Variants in SGK1 observed in about 807,000 individuals in gnomAD.
The protein encoded by SGK1 is serine/threonine-protein kinase Sgk1.
A neutral mutation model predicts 64.2 loss-of-function variants in SGK1; 26 were observed. That is an observed-to-expected ratio of 0.40 (90% confidence interval 0.30 to 0.56). SGK1 has a LOEUF of 0.56. SGK1 is among the 20% of genes least tolerant of loss of function. The pLI is 0.38. For synonymous variants in SGK1, 265 were observed against 239.7 expected (o/e 1.11, Z -0.98); for missense variants, 519 against 645.6 (o/e 0.80, Z 2.12).
chr6:134,242,885 C>G (rs1177735650), intron 2 of SGK1, among the ~76,000 whole-genome samples: 1 of 152,116 alleles, frequency 6.6e-6, no homozygotes, highest in Non-Finnish European at 1.5e-5. Flanking sequence ...CAAAACACAT[C>G]TTAGAATGAT....
At chr6:134,301,405 A>C (rs560188191) in intron 1 of SGK1, among the ~76,000 whole-genome samples, 1 of 152,226 alleles carries the variant, frequency 6.6e-6, no homozygotes, top group Non-Finnish European at 1.5e-5. Flanking sequence ...CCTGAAAGGA[A>C]ACTAAGAAAT....
intron 2 of SGK1, among the ~76,000 whole-genome samples, chr6:134,243,497 G>A (rs1319521051): frequency 6.6e-6 from 1 of 152,044 alleles, no homozygotes; most frequent in African/African-American, 2.4e-5. Context: ...AGCCTCCTAA[G>A]TAGCTGGGAT....
chr6:134,187,472 G>A (rs967388889), intron 3 of SGK1, among the ~76,000 whole-genome samples: 2 of 152,152 alleles, frequency 1.3e-5, no homozygotes, highest in Admixed American at 6.5e-5. Context: ...CTGGCTATGG[G>A]AGAAGCAGCA....
intron 1 of SGK1, among the ~76,000 whole-genome samples, chr6:134,304,617 A>C (rs965780588): frequency 2.6e-5 from 4 of 152,076 alleles, no homozygotes; most frequent in Non-Finnish European, 5.9e-5. Flanking sequence ...AGGGAGGATC[A>C]CTTGAGTCTT....
intron 2 of SGK1, among the ~76,000 whole-genome samples, chr6:134,230,148 C>A (rs963486448): frequency 6.6e-6 from 1 of 152,116 alleles, no homozygotes; most frequent in Admixed American, 6.5e-5. Context: ...TTAGGCTTTA[C>A]CCCTTGATGC....
At chr6:134,193,365 T>A (rs567248965) in intron 3 of SGK1, among the ~76,000 whole-genome samples, 3 of 152,220 alleles carry the variant, frequency 2.0e-5, no homozygotes, top group Non-Finnish European at 4.4e-5. Flanking sequence ...AACTTCCTAT[T>A]GCATACTTAT....
chr6:134,175,864 C>G (rs529981881), intron 3 of SGK1: 8 of 1,247,116 alleles, frequency 6.4e-6, no homozygotes, highest in Non-Finnish European at 8.0e-6. Context: ...GCTGAAAAAT[C>G]CCAGAACTTG....
intron 3 of SGK1, among the ~76,000 whole-genome samples, chr6:134,192,147 T>C (rs1775523137): frequency 6.6e-6 from 1 of 151,856 alleles, no homozygotes; most frequent in Non-Finnish European, 1.5e-5. Flanking sequence ...TGTATTTTTA[T>C]AGAGATGGGG....
At chr6:134,267,433 G>T (rs540666703) in intron 1 of SGK1, among the ~76,000 whole-genome samples, 1 of 151,894 alleles carries the variant, frequency 6.6e-6, no homozygotes, top group South Asian at 2.1e-4. Flanking sequence ...AGTTACCTGG[G>T]ACTACAGATG....
Position 134,317,436 on chromosome 6 carries a change from A to G in SGK1, c.25T>C (p.Phe9Leu). 6.2e-7 allele frequency: 1 copy of G among 1,610,056 alleles called. No individual in the cohort carries two copies. Among genetic ancestry groups the G allele is most frequent in the Non-Finnish European group, 8.5e-7 (1 of 1,176,258 alleles). MVNKDMNG[F>L]PVKKCSAFQF... ...AAGGCTGAGCATTTCTTGACTGGGAATCCATTCATGTCTTTGTTTACCATT... is the reference window on the plus strand; with the variant it reads ...AAGGCTGAGCATTTCTTGACTGGGAGTCCATTCATGTCTTTGTTTACCATT... Residue 9 changes from phenylalanine to leucine, a missense_variant, in exon 1 of 14, where the codon TTC becomes CTC. By Grantham distance (22) the Phe-to-Leu change is conservative. Coordinates refer to ENST00000367858, the MANE Select transcript of SGK1 (RefSeq NM_001143676.3).
chr6:134,247,167 C>T (rs905864737), intron 2 of SGK1, among the ~76,000 whole-genome samples: 4 of 152,158 alleles, frequency 2.6e-5, no homozygotes, highest in African/African-American at 9.7e-5. Context: ...ATTCCACCCC[C>T]AATAAAGTCA....
intron 1 of SGK1, among the ~76,000 whole-genome samples, chr6:134,300,527 G>T (rs1777434842): frequency 8.8e-6 from 1 of 113,704 alleles, no homozygotes; most frequent in Non-Finnish European, 1.8e-5. Flanking sequence ...AACAGCGCAA[G>T]ACTCTGTCTC....
chr6:134,221,011 A>C (rs1050824223), intron 2 of SGK1, among the ~76,000 whole-genome samples: 4 of 151,402 alleles, frequency 2.6e-5, no homozygotes, highest in Admixed American at 2.6e-4. Context: ...TTATTAAAAA[A>C]AGTTTGCTCA....
At chr6:134,245,962 C>A (rs1776518553) in intron 2 of SGK1, among the ~76,000 whole-genome samples, 1 of 152,176 alleles carries the variant, frequency 6.6e-6, no homozygotes, top group South Asian at 2.1e-4. Flanking sequence ...GCTTTGAAAT[C>A]TCTACTTCCT....
In SGK1 at chr6:134,173,496, A is replaced by T. The variant is rs772031134; in HGVS notation, c.584T>A (p.Phe195Tyr). The change falls in exon 6 of 14, where the codon TTC becomes TAC. Residue 195 changes from phenylalanine to tyrosine, a missense_variant. Transcript: ENST00000367858. Reference sequence around the variant, plus strand: ...ACTGCCCTTTCCGATCACTTTCAAGAAGTGAAAGTCAGATGGTTTAGCATG... The same window carrying T: ...ACTGCCCTTTCCGATCACTTTCAAGTAGTGAAAGTCAGATGGTTTAGCATG... ...NPHAKPSDFH[F>Y]LKVIGKGSFG... The T allele has an allele frequency of 1.9e-6, 3 of 1,613,452 alleles. No homozygotes were observed. Among genetic ancestry groups the T allele is most frequent in the Non-Finnish European group, 2.5e-6 (3 of 1,179,750 alleles).
chr6:134,177,997 C>T (rs1775275214), intron 3 of SGK1: 1 of 600,182 alleles, frequency 1.7e-6, no homozygotes, highest in Non-Finnish European at 2.9e-6. Context: ...TTTATTACAC[C>T]CCCAGCACGC....
intron 1 of SGK1, among the ~76,000 whole-genome samples, chr6:134,310,705 G>C (rs1398886674): frequency 1.3e-5 from 2 of 152,082 alleles, no homozygotes; most frequent in Non-Finnish European, 2.9e-5. Context: ...CTCCTGCCTA[G>C]GCCTCCTGAG....
intron 2 of SGK1, among the ~76,000 whole-genome samples, chr6:134,237,058 C>CTTTT (rs56379518): frequency 8.0e-5 from 11 of 138,346 alleles, no homozygotes; most frequent in South Asian, 2.3e-4. Flanking sequence ...TTTTCTTTTT[C>CTTTT]TTTTTTTTTT....
Position 134,179,090 on chromosome 6 carries a change from G to A in SGK1, c.362-4504C>T, listed in dbSNP as rs1346805326. On this transcript the variant is annotated intron_variant, in intron 3 of 13. Coordinates refer to ENST00000367858, the MANE Select transcript of SGK1 (RefSeq NM_001143676.3). Reference sequence around the variant, plus strand: ...GACTTTTTCCATTTAATTTTAAAAGGCTTATAAATTATTGATATTTCTCAA... The same window carrying A: ...GACTTTTTCCATTTAATTTTAAAAGACTTATAAATTATTGATATTTCTCAA... 2.6e-5 allele frequency among the ~76,000 whole-genome samples: 4 copies of A among 151,826 alleles called. No homozygotes were observed. In the East Asian group the frequency reaches 7.7e-4, roughly 29 times the overall value.
Sources: gnomAD v4.1 joint callset for allele counts (sites outside exome capture counted in the v4.1 genomes callset) on GRCh38, gnomAD v4.1.1 for gene constraint, MANE v1.5 for transcripts, NCBI Gene and HGNC (gene_info 2026-07-23, HGNC 2026-07-21) for gene names.